Variants in AGBL3 observed in about 807,000 individuals in gnomAD.
AGBL3 encodes AGBL carboxypeptidase 3, also known as cytosolic carboxypeptidase 3.
Under a neutral mutation model 94.5 loss-of-function variants are expected in AGBL3, and 68 were observed. The ratio of observed to expected loss-of-function variants is 0.72; its 90% confidence interval spans 0.59 to 0.88. The LOEUF (loss-of-function observed/expected upper bound fraction) is 0.88. Ranked by LOEUF, AGBL3 falls within the 40% of genes least tolerant of loss-of-function variation. The probability of loss-of-function intolerance (pLI) is 0.00; values close to 1 mark genes in which losing one functional copy is unlikely to be tolerated. For missense variants in AGBL3, 934 were observed against 1,103.8 expected (o/e 0.85, Z 2.18); for synonymous variants, 354 against 370.7 (o/e 0.95, Z 0.52).
intron 4 of AGBL3, among the ~76,000 whole-genome samples, chr7:135,003,405 T>C (rs896820560): frequency 1.3e-5 from 2 of 152,064 alleles, no homozygotes; most frequent in African/African-American, 4.8e-5. Context: ...ATAAACTTAG[T>C]TCCTTACTGT....
chr7:135,063,246 C>A (rs1202723516), intron 12 of AGBL3, among the ~76,000 whole-genome samples: 1 of 151,962 alleles, frequency 6.6e-6, no homozygotes. Context: ...CTCTCTCTCT[C>A]TTCTTAGTCT....
intron 16 of AGBL3, among the ~76,000 whole-genome samples, chr7:135,131,944 C>G (rs1218123064): frequency 2.0e-5 from 3 of 152,022 alleles, no homozygotes; most frequent in Admixed American, 6.5e-5. Flanking sequence ...GGATTATTTC[C>G]TCAATAAAAT....
chr7:135,006,019 G>A (rs1435941117), intron 4 of AGBL3, among the ~76,000 whole-genome samples: 1 of 151,614 alleles, frequency 6.6e-6, no homozygotes, highest in African/African-American at 2.4e-5. Flanking sequence ...AAATCTTTAT[G>A]ATCTAGAGCT....
chr7:134,999,287 C>T (rs1040700712), intron 4 of AGBL3, among the ~76,000 whole-genome samples: 25 of 152,164 alleles, frequency 1.6e-4, no homozygotes, highest in Non-Finnish European at 3.1e-4. Context: ...CCTGTCAGGA[C>T]CCTTTTATAG....
intron 4 of AGBL3, among the ~76,000 whole-genome samples, chr7:134,998,448 T>C (rs1811280125): frequency 6.6e-6 from 1 of 152,226 alleles, no homozygotes; most frequent in South Asian, 2.1e-4. Flanking sequence ...CATTTATTTA[T>C]TCCTGTGCCT....
At chr7:135,064,414 G>A (rs944265468) in intron 12 of AGBL3, among the ~76,000 whole-genome samples, 1 of 152,150 alleles carries the variant, frequency 6.6e-6, no homozygotes, top group African/African-American at 2.4e-5. Flanking sequence ...TTGATCAGAG[G>A]AATGACATGA....
chr7:135,052,824 A>G (rs967236455), intron 11 of AGBL3, among the ~76,000 whole-genome samples: 1 of 152,210 alleles, frequency 6.6e-6, no homozygotes, highest in Non-Finnish European at 1.5e-5. Context: ...TCTATCTAGA[A>G]TACCTTTTAA....
Position 135,134,976 on chromosome 7 carries a change from A to T in AGBL3, c.2478A>T (p.Ser826=). 1 of 1,551,260 alleles carries T rather than the reference A, an allele frequency of 6.4e-7. No individual in the cohort carries two copies. Among genetic ancestry groups the T allele is most frequent in the East Asian group, 2.4e-5 (1 of 40,900 alleles). The change falls in exon 17 of 17, where the codon TCA becomes TCT. Residue 826 remains serine, a synonymous_variant. Transcript: ENST00000436302. ...SEWVQSKPHR[S]LESLSPLKGP... ...GGGTCCAGTCTAAGCCCCACAGGTC[A>T]TTGGAAAGTTTATCACCTCTCAAAG...
chr7:135,059,047 G>A, intron 11 of AGBL3, 122 bp from the exon 12 acceptor site: 1 of 762,956 alleles, frequency 1.3e-6, no homozygotes, highest in East Asian at 2.9e-5. Context: ...ATGAGTCACT[G>A]CGCCCGGCCA....
At chr7:135,036,791 A>T (rs1816354344) in intron 7 of AGBL3, among the ~76,000 whole-genome samples, 1 of 152,240 alleles carries the variant, frequency 6.6e-6, no homozygotes, top group African/African-American at 2.4e-5. Flanking sequence ...TTCAGTCAGA[A>T]AGAAAATACG....
intron 4 of AGBL3, among the ~76,000 whole-genome samples, chr7:135,014,049 A>G (rs1274106905): frequency 6.6e-6 from 1 of 151,920 alleles, no homozygotes; most frequent in Non-Finnish European, 1.5e-5. Flanking sequence ...CAAAAAAATT[A>G]GCTGGGCATG....
At chr7:135,072,817 G>C (rs1442115349) in intron 12 of AGBL3, among the ~76,000 whole-genome samples, 1 of 151,600 alleles carries the variant, frequency 6.6e-6, no homozygotes, top group Non-Finnish European at 1.5e-5. Context: ...AATGTTAAAT[G>C]ACAAGTGAAC....
chr7:134,988,712 A>T (rs1276884893), intron 2 of AGBL3, among the ~76,000 whole-genome samples: 2 of 151,520 alleles, frequency 1.3e-5, no homozygotes, highest in Non-Finnish European at 2.9e-5. Flanking sequence ...ATCTCGGCTC[A>T]CTGCAACCTC....
At chr7:135,005,773 A>T (rs965745910) in intron 4 of AGBL3, among the ~76,000 whole-genome samples, 1 of 151,852 alleles carries the variant, frequency 6.6e-6, no homozygotes, top group Non-Finnish European at 1.5e-5. Context: ...AGAACTCAGA[A>T]GTAGAACCAC....
At chr7:135,080,046 A>T (rs1192551965) in intron 13 of AGBL3, among the ~76,000 whole-genome samples, 157 bp from the exon 14 acceptor site, 3 of 152,110 alleles carry the variant, frequency 2.0e-5, no homozygotes, top group Non-Finnish European at 4.4e-5. Flanking sequence ...ATATTAGAAG[A>T]CTCTGATTTA....
At chr7:135,020,564 T>C (rs1250896329) in intron 5 of AGBL3, among the ~76,000 whole-genome samples, 3 of 152,224 alleles carry the variant, frequency 2.0e-5, no homozygotes, top group African/African-American at 7.2e-5. Flanking sequence ...ACTGGGTATA[T>C]ACCCAAAGGA....
intron 15 of AGBL3, among the ~76,000 whole-genome samples, chr7:135,082,729 T>G (rs1191577089): frequency 2.6e-5 from 4 of 152,134 alleles, no homozygotes; most frequent in African/African-American, 9.7e-5. Context: ...GACCTTAAAT[T>G]TATTCCTGTT....
At position 135,070,155 on chromosome 7, in the gene AGBL3, C is replaced by A. The variant is rs540954917; in HGVS notation, c.1909-6242C>A. 5.3e-5 allele frequency among the ~76,000 whole-genome samples: 8 copies of A among 152,278 alleles called. No individual in the cohort carries two copies. In the East Asian group the frequency reaches 1.5e-3, roughly 29 times the overall value. On this transcript the variant is annotated intron_variant, in intron 12 of 16. Transcript: ENST00000436302. ...ATGGATAAATTCCTCGACACATACA[C>A]CCTCCCAAGACTAAACCAAGAAGAA...
chr7:135,045,599 C>A, intron 10 of AGBL3, 25 bp downstream of exon 10: 1 of 1,521,400 alleles, frequency 6.6e-7, no homozygotes, highest in Non-Finnish European at 8.9e-7. Flanking sequence ...TTTGGTAATG[C>A]ATCAGACTCC....
Sources: gnomAD v4.1 joint callset for allele counts (sites outside exome capture counted in the v4.1 genomes callset) on GRCh38, gnomAD v4.1.1 for gene constraint, MANE v1.5 for transcripts, NCBI Gene and HGNC (gene_info 2026-07-23, HGNC 2026-07-21) for gene names.